MMP8: variants seen among roughly 807,000 people sequenced by gnomAD.
MMP8 encodes neutrophil collagenase.
A neutral mutation model predicts 51.2 loss-of-function variants in MMP8; 67 were observed. The observed-to-expected ratio is 1.31, with a 90% confidence interval of 1.08 to 1.60. MMP8 has a LOEUF of 1.60. Ranked by LOEUF, MMP8 falls within the 40% of genes most tolerant of loss-of-function variation. The probability of loss-of-function intolerance (pLI) is 0.00; values close to 1 mark genes in which losing one functional copy is unlikely to be tolerated. For synonymous variants in MMP8, 225 were observed against 191.0 expected (o/e 1.18, Z -1.47); for missense variants, 654 against 558.1 (o/e 1.17, Z -1.73).
chr11:102,711,896 A>C lies in MMP8; in HGVS notation c.*1452T>G, dbSNP rs955084575. ...AATTTAATTATCTGTGGGATTTAAAAACTTCAACAGAGAAAGAAAATAGGA... is the reference window on the plus strand; with the variant it reads ...AATTTAATTATCTGTGGGATTTAAACACTTCAACAGAGAAAGAAAATAGGA... On this transcript the variant is annotated 3_prime_UTR_variant, in exon 10 of 10. Transcript: ENST00000236826. 1 of 152,184 alleles carries C rather than the reference A, an allele frequency of 6.6e-6. No homozygotes were observed. Among genetic ancestry groups the C allele is most frequent in the African/African-American group, 2.4e-5 (1 of 41,458 alleles). The allele number at this position is 152,184 out of a possible 1,614,324, so 9.4% of individuals were successfully genotyped here. A position where few individuals can be genotyped will look rare whatever the true frequency, so the allele number is the denominator to read the frequency against.
chr11:102,724,908 AG>A lies in MMP8; in HGVS notation c.-54del. On this transcript the variant is annotated 5_prime_UTR_variant, in exon 1 of 10. Transcript: ENST00000236826. The stretch of plus-strand genomic sequence containing the variant: ...TGGCTTTCTTTCTGTCCCTCTGGGT[AG>A]GGCCCTTCCCTGGCGAGCACCCTGA... 6.4e-7 allele frequency: 1 copy of A among 1,562,952 alleles called. No homozygotes were observed. The highest frequency in any genetic ancestry group is 8.7e-7 in the Non-Finnish European group (1 of 1,150,350).
At chr11:102,721,821 C>G (rs1861482744) in intron 2 of MMP8, 59 bp from the exon 3 acceptor site, 1 of 1,576,886 alleles carries the variant, frequency 6.3e-7, no homozygotes, top group Non-Finnish European at 8.7e-7. Context: ...AGTCCATCAA[C>G]TGATGAGTTG....
At position 102,713,395 on chromosome 11, in the gene MMP8, TA is replaced by T; in HGVS notation, c.1356del (p.Thr453ProfsTer115). On this transcript the variant is annotated frameshift_variant, in exon 10 of 10. Coordinates refer to ENST00000236826, the MANE Select transcript of MMP8 (RefSeq NM_002424.3). LOFTEE classifies it high-confidence loss of function. Reference protein sequence around the residue: ...YYAFDLIAQRVTRVARGNKWL... With the variant: ...YYAFDLIAQRXTRVARGNKWL... The stretch of plus-strand genomic sequence containing the variant: ...CATTTATTGCCTCTTGCAACTCTGG[TA>T]ACTCTCTGAGCAATAAGATCAAATG... 1 of 1,613,754 alleles carries T rather than the reference TA, an allele frequency of 6.2e-7. No homozygotes were observed. Among genetic ancestry groups the T allele is most frequent in the South Asian group, 1.1e-5 (1 of 91,078 alleles).
intron 4 of MMP8, among the ~76,000 whole-genome samples, chr11:102,718,850 G>A (rs1194074143): frequency 6.6e-6 from 1 of 152,172 alleles, no homozygotes; most frequent in Non-Finnish European, 1.5e-5. Flanking sequence ...TTTTACAAAT[G>A]TGCATCTGAG....
At chr11:102,718,608 G>C in intron 4 of MMP8, 33 bp from the exon 5 acceptor site, 2 of 1,612,748 alleles carry the variant, frequency 1.2e-6, no homozygotes, top group Non-Finnish European at 1.7e-6. Flanking sequence ...AAACAGCTCA[G>C]TGTGGATCCC....
In MMP8 at chr11:102,716,318, G is replaced by T; in HGVS notation, c.886C>A (p.Leu296Ile). The change falls in exon 6 of 10, where the codon CTT becomes ATT. Residue 296 changes from leucine (L) to isoleucine (I), a missense_variant. Coordinates refer to ENST00000236826, the MANE Select transcript of MMP8 (RefSeq NM_002424.3). ...DAITTLRGEI[L>I]FFKDRYFWRR... ...ATTTTATACCTGTCTTTAAAGAAAA[G>T]TATTTCTCCACGGAGTGTGGTGATA... 3.3e-6 allele frequency: 5 copies of T among 1,521,990 alleles called. No individual in the cohort carries two copies. The highest frequency in any genetic ancestry group is 4.5e-6 in the Non-Finnish European group (5 of 1,122,746). 94.3% of individuals were successfully genotyped at this position (1,521,990 alleles called of 1,614,324 possible).
chr11:102,716,188 G>C, intron 6 of MMP8, 114 bp downstream of exon 6: 1 of 742,898 alleles, frequency 1.3e-6, no homozygotes, highest in Non-Finnish European at 2.2e-6. Context: ...ATTCCGATGA[G>C]AAGCACAAGT....
chr11:102,713,410 T>C lies in MMP8; in HGVS notation c.1342A>G (p.Ile448Val), dbSNP rs749905294. 1 of 1,613,716 alleles carries C rather than the reference T, an allele frequency of 6.2e-7. No individual in the cohort carries two copies. The highest frequency in any genetic ancestry group is 1.1e-5 in the South Asian group (1 of 91,068). The change falls in exon 10 of 10, where the codon ATT becomes GTT. Residue 448 changes from isoleucine (I) to valine (V), a missense_variant. Physicochemically the swap from Ile to Val is conservative, Grantham distance 29. Transcript: ENST00000236826. ...GCAACTCTGGTAACTCTCTGAGCAA[T>C]AAGATCAAATGCGTAATATCTTGGT... ...SGPRYYAFDL[I>V]AQRVTRVARG...
intron 5 of MMP8, among the ~76,000 whole-genome samples, chr11:102,717,555 A>T (rs1216719124): frequency 6.6e-6 from 1 of 152,158 alleles, no homozygotes; most frequent in African/African-American, 2.4e-5. Context: ...TACTGTTGCC[A>T]TATGTGCATC....
At chr11:102,721,799 A>G (rs1861482017) in intron 2 of MMP8, 37 bp from the exon 3 acceptor site, 2 of 1,607,522 alleles carry the variant, frequency 1.2e-6, no homozygotes, top group African/African-American at 2.7e-5. Context: ...GTTAAATGTT[A>G]TTTAGAACAG....
At chr11:102,715,726 A>ATCTT (rs1195731387) in intron 6 of MMP8, among the ~76,000 whole-genome samples, 1 of 152,214 alleles carries the variant, frequency 6.6e-6, no homozygotes, top group Non-Finnish European at 1.5e-5. Context: ...ACTTTGTAGC[A>ATCTT]TCTTTCATTA....
intron 6 of MMP8, among the ~76,000 whole-genome samples, chr11:102,715,703 A>G (rs1211090537): frequency 6.6e-6 from 1 of 152,246 alleles, no homozygotes; most frequent in African/African-American, 2.4e-5. Context: ...TGCCTTGGAC[A>G]TTGAAAAATC....
At chr11:102,721,315 T>G in intron 4 of MMP8, 86 bp downstream of exon 4, 2 of 1,451,758 alleles carry the variant, frequency 1.4e-6, no homozygotes, top group Non-Finnish European at 1.8e-6. Context: ...TATGTTACCT[T>G]TATTGTGTGT....
At chr11:102,718,687 C>T (rs1475104557) in intron 4 of MMP8, 112 bp from the exon 5 acceptor site, 4 of 1,139,496 alleles carry the variant, frequency 3.5e-6, no homozygotes, top group East Asian at 4.8e-5. Flanking sequence ...AATAGCCCTT[C>T]CCATGGCTGT....
At chr11:102,713,513 TTCAG>T in intron 9 of MMP8, 56 bp from the exon 10 acceptor site, 1 of 1,415,434 alleles carries the variant, frequency 7.1e-7, no homozygotes, top group Non-Finnish European at 9.9e-7. Flanking sequence ...CTCAGATGTC[TTCAG>T]TTAGAAAACC....
In MMP8 at chr11:102,721,628, G is replaced by A; in HGVS notation, c.482C>T (p.Ala161Val). 1.2e-6 allele frequency: 2 copies of A among 1,613,788 alleles called. No individual in the cohort carries two copies. The highest frequency in any genetic ancestry group is 1.7e-5 in the Admixed American group (1 of 59,954). Residue 161 changes from alanine (A) to valine (V), a missense_variant, in exon 3 of 10, where the codon GCT becomes GTT. Transcript: ENST00000236826. ...TTTGTACCTACCTCTTTGGTAAAAA[G>A]CAATGTTGATATCTGCCTCTCCCTG... is the stretch of plus-strand genomic sequence containing the variant. ...ISQGEADINI[A>V]FYQRDHGDNS...
At chr11:102,723,490 G>T (rs1249778242) in intron 1 of MMP8, 5 of 455,756 alleles carry the variant, frequency 1.1e-5, no homozygotes, top group South Asian at 4.7e-5. Context: ...AATTCTGGAG[G>T]CTGGGAAGTC....
rs368858927 is a variant in MMP8, at chr11:102,714,550, C to T, written c.1190+6G>A. The T allele has an allele frequency of 1.2e-5, 17 of 1,427,610 alleles. No homozygotes were observed. Among genetic ancestry groups the T allele is most frequent in the African/African-American group, 7.4e-5 (5 of 67,466 alleles). 88.4% of individuals were successfully genotyped at this position (1,427,610 alleles called of 1,614,324 possible). A position where few individuals can be genotyped will look rare whatever the true frequency, so the allele number is the denominator to read the frequency against. ...AACCTATAATTGAAAAAATAGTTTA[C>T]GTTACCTCCAGAATTGGTCATTTAC... is the stretch of plus-strand genomic sequence containing the variant. On this transcript the variant is annotated splice_donor_region_variant and intron_variant, in intron 8 of 9. Coordinates refer to ENST00000236826, the MANE Select transcript of MMP8 (RefSeq NM_002424.3).
At chr11:102,720,380 C>T (rs533060542) in intron 4 of MMP8, among the ~76,000 whole-genome samples, 2 of 152,098 alleles carry the variant, frequency 1.3e-5, no homozygotes, top group East Asian at 1.9e-4. Flanking sequence ...AATGATCATC[C>T]GAACTAGTGA....
Sources: gnomAD v4.1 joint callset for allele counts (sites outside exome capture counted in the v4.1 genomes callset) on GRCh38, gnomAD v4.1.1 for gene constraint, MANE v1.5 for transcripts, NCBI Gene and HGNC (gene_info 2026-07-23, HGNC 2026-07-21) for gene names.